The following RALGAPB variants were observed in gnomAD, a reference collection of about 807,000 sequenced individuals.
RALGAPB encodes the protein ral GTPase-activating protein subunit beta.
RALGAPB carries 25 observed loss-of-function variants against 161.1 expected under a neutral mutation model. The ratio of observed to expected loss-of-function variants is 0.16; its 90% CI spans 0.11 to 0.22. The LOEUF (loss-of-function observed/expected upper bound fraction) is 0.22, where lower values mean the gene tolerates loss of function less well. RALGAPB is among the 10% of genes least tolerant of loss of function. The probability of loss-of-function intolerance (pLI) is 1.00; values close to 1 mark genes in which losing one functional copy is unlikely to be tolerated. For missense variants in RALGAPB, 1,391 were observed against 1,815.2 expected (o/e 0.77, Z 4.25); for synonymous variants, 629 against 626.1 (o/e 1.00, Z -0.07).
At chr20:38,521,740 A>G (rs769668904) in intron 10 of RALGAPB, 42 bp downstream of exon 10, 2 of 1,598,764 alleles carry the variant, frequency 1.3e-6, no homozygotes, top group South Asian at 2.2e-5. Flanking sequence ...TATAGTTTTG[A>G]TAGTGAAGCC....
intron 1 of RALGAPB, among the ~76,000 whole-genome samples, chr20:38,480,385 CTTTTTTTT>C (rs71189925): frequency 1.4e-4 from 18 of 128,728 alleles, no homozygotes; most frequent in Admixed American, 3.9e-4. Flanking sequence ...TTCTTTCTTT[CTTTTTTTT>C]TTTTTTTTTT....
intron 5 of RALGAPB, among the ~76,000 whole-genome samples, chr20:38,502,670 C>T (rs1027043264): frequency 6.6e-6 from 1 of 152,212 alleles, no homozygotes; most frequent in African/African-American, 2.4e-5. Context: ...ACTGCAACCT[C>T]TGCCTCATTG....
At position 38,488,461 on chromosome 20, in the gene RALGAPB, T is replaced by G. The variant is rs766135644; in HGVS notation, c.29T>G (p.Leu10Trp). The G allele has an allele frequency of 1.2e-6, 2 of 1,614,122 alleles. No homozygotes were observed. Among genetic ancestry groups the G allele is most frequent in the Non-Finnish European group, 1.7e-6 (2 of 1,180,014 alleles). The change falls in exon 2 of 30, where the codon TTG (leucine) becomes TGG (tryptophan). Residue 10 changes from leucine to tryptophan, a missense_variant. Physicochemically the swap from Leu to Trp is moderately conservative, Grantham distance 61. This residue lies in a region of RALGAPB where 946 missense variants were observed against 1,257.2 expected (regional missense o/e 0.75). Coordinates refer to ENST00000262879, the MANE Select transcript of RALGAPB (RefSeq NM_020336.4). MYSEWRSLH[L>W]VIQNDQGHTS... is the part of the protein sequence containing the mutation. The stretch of plus-strand genomic sequence containing the variant: ...TACTCTGAGTGGAGGTCACTGCATT[T>G]GGTGATTCAGAATGATCAAGGCCAT...
chr20:38,490,698 A>G (rs1429039042), intron 2 of RALGAPB, among the ~76,000 whole-genome samples: 2 of 148,278 alleles, frequency 1.3e-5, no homozygotes, highest in Non-Finnish European at 2.9e-5. Context: ...TAGTAGAGAC[A>G]AGGGTTTCTC....
intron 18 of RALGAPB, among the ~76,000 whole-genome samples, chr20:38,544,607 A>G (rs1731180039): frequency 6.6e-6 from 1 of 152,152 alleles, no homozygotes; most frequent in Admixed American, 6.5e-5. Context: ...ACCTGGGACT[A>G]CAGGCACGTG....
intron 1 of RALGAPB, among the ~76,000 whole-genome samples, chr20:38,484,495 A>C (rs1374433262): frequency 2.0e-5 from 3 of 152,182 alleles, no homozygotes; most frequent in Non-Finnish European, 4.4e-5. Context: ...CAGAGGCATA[A>C]ATTGGACCAT....
chr20:38,475,409 G>C (rs2084775232), intron 1 of RALGAPB, among the ~76,000 whole-genome samples: 1 of 152,172 alleles, frequency 6.6e-6, no homozygotes, highest in South Asian at 2.1e-4. Flanking sequence ...ATATTTACAA[G>C]TTTAAAGGAA....
intron 5 of RALGAPB, among the ~76,000 whole-genome samples, chr20:38,503,989 A>T: frequency 6.6e-6 from 1 of 152,252 alleles, no homozygotes; most frequent in African/African-American, 2.4e-5. Context: ...AATCATTAAA[A>T]TGGCCATACT....
chr20:38,574,909 AG>A lies in RALGAPB; in HGVS notation c.4428del (p.Glu1476AspfsTer25). The A allele has an allele frequency of 6.2e-7, 1 of 1,614,116 alleles. No individual in the cohort carries two copies. Among genetic ancestry groups the A allele is most frequent in the Non-Finnish European group, 8.5e-7 (1 of 1,179,948 alleles). The stretch of plus-strand genomic sequence containing the variant: ...AACAAGTACCGGAACAAGCAGCTGG[AG>A]CCAGAGTTTTATACTTCACTTTTCC... Reference protein sequence around the residue: ...IVNKYRNKQLEPEFYTSLFQE... With the variant: ...IVNKYRNKQLXPEFYTSLFQE... On this transcript the variant is annotated frameshift_variant, in exon 30 of 30. Transcript: ENST00000262879. LOFTEE classifies it high-confidence loss of function.
At chr20:38,554,312 T>C (rs1012061870) in intron 22 of RALGAPB, among the ~76,000 whole-genome samples, 2 of 152,190 alleles carry the variant, frequency 1.3e-5, no homozygotes, top group Non-Finnish European at 2.9e-5. Flanking sequence ...GGTTTGATGA[T>C]ACATCTAACT....
intron 18 of RALGAPB, among the ~76,000 whole-genome samples, chr20:38,543,795 GGGGCCTT>G (rs1478262462): frequency 6.6e-6 from 1 of 152,136 alleles, no homozygotes; most frequent in African/African-American, 2.4e-5. Flanking sequence ...CTACCTCCAT[GGGGCCTT>G]TGGTTATTCT....
At chr20:38,544,657 G>A (rs963355321) in intron 18 of RALGAPB, among the ~76,000 whole-genome samples, 1 of 152,134 alleles carries the variant, frequency 6.6e-6, no homozygotes, top group African/African-American at 2.4e-5. Flanking sequence ...TAGTAGAGAC[G>A]GAGTTTTGCC....
intron 5 of RALGAPB, among the ~76,000 whole-genome samples, chr20:38,502,947 G>A (rs1404177989): frequency 6.6e-6 from 1 of 152,052 alleles, no homozygotes; most frequent in Non-Finnish European, 1.5e-5. Flanking sequence ...TTGCTGTGTT[G>A]CCCAGGCTAG....
intron 4 of RALGAPB, among the ~76,000 whole-genome samples, chr20:38,498,816 C>G (rs1367591366): frequency 6.6e-6 from 1 of 152,186 alleles, no homozygotes; most frequent in African/African-American, 2.4e-5. Flanking sequence ...TTCCCAACAC[C>G]AGTCCTTTTG....
At chr20:38,532,605 T>C (rs1362697191) in intron 14 of RALGAPB, 125 bp from the exon 15 acceptor site, 2 of 1,137,870 alleles carry the variant, frequency 1.8e-6, no homozygotes, top group Non-Finnish European at 2.5e-6. Context: ...CAATTTCTGT[T>C]ACTATCAGTT....
intron 3 of RALGAPB, among the ~76,000 whole-genome samples, chr20:38,494,214 T>A (rs772364260): frequency 9.2e-5 from 14 of 152,252 alleles, no homozygotes; most frequent in Non-Finnish European, 1.9e-4. Flanking sequence ...GCAGGAACTC[T>A]GTTGTCTCTA....
At position 38,566,190 on chromosome 20, in the gene RALGAPB, T is replaced by C. The variant is rs564162402; in HGVS notation, c.3817+712T>C. Among the ~76,000 whole-genome samples the C allele has an allele frequency of 1.6e-4, 25 of 152,340 alleles. No individual in the cohort carries two copies. In the South Asian group the frequency reaches 5.0e-3, roughly 30 times the overall value. The stretch of plus-strand genomic sequence containing the variant: ...TTTTGTTGTGCCCTACCTTGGTAGC[T>C]GCCTAACCTTTGTACTTGGACCCTT... On this transcript the variant is annotated intron_variant, in intron 25 of 29. Transcript: ENST00000262879.
chr20:38,541,977 T>A (rs990441811), intron 18 of RALGAPB, among the ~76,000 whole-genome samples: 2 of 152,170 alleles, frequency 1.3e-5, no homozygotes, highest in Non-Finnish European at 2.9e-5. Context: ...ACAGGGAGTT[T>A]GGTACCTTGA....
chr20:38,548,773 G>A lies in RALGAPB; in HGVS notation c.2987G>A (p.Arg996Lys), dbSNP rs2087259668. The change falls in exon 20 of 30, where the codon AGA becomes AAA. Residue 996 changes from arginine to lysine, a missense_variant. Arg to Lys is a conservative substitution (Grantham distance 26). This residue lies in a region of RALGAPB where 946 missense variants were observed against 1,257.2 expected (regional missense o/e 0.75). Coordinates refer to ENST00000262879, the MANE Select transcript of RALGAPB (RefSeq NM_020336.4). Reference sequence around the variant, plus strand: ...GCACAACAGCTTTGTCTTTTACCCAGAGGAGCAAAAGCAAATCAGAAGGTA... The same window carrying A: ...GCACAACAGCTTTGTCTTTTACCCAAAGGAGCAAAAGCAAATCAGAAGGTA... ...AWAQQLCLLP[R>K]GAKANQKLFV... is the part of the protein sequence containing the mutation. The A allele has an allele frequency of 6.2e-7, 1 of 1,613,390 alleles. No homozygotes were observed.
Sources: allele counts gnomAD v4.1 joint callset (sites outside exome capture counted in the v4.1 genomes callset), GRCh38; gene constraint gnomAD v4.1.1; regional missense constraint gnomAD v4.1.1; transcripts MANE v1.5; gene names NCBI Gene and HGNC (gene_info 2026-07-23, HGNC 2026-07-21).